Variants in TCF12 observed in about 807,000 individuals in gnomAD.
TCF12 encodes the protein transcription factor 12, also known as DNA-binding protein HTF4.
TCF12 carries 45 observed loss-of-function variants against 86.0 expected under a neutral mutation model. The ratio of observed to expected loss-of-function variants is 0.52; its 90% CI spans 0.41 to 0.67. The LOEUF (loss-of-function observed/expected upper bound fraction) is 0.67, where lower values mean the gene tolerates loss of function less well. Among genes scored for constraint, TCF12 ranks in the 30% least tolerant of loss-of-function variants. The pLI is 0.00. For missense variants in TCF12, 881 were observed against 859.9 expected, an observed-to-expected ratio of 1.02 and a Z score of -0.31; for synonymous variants, 330 against 299.6, an observed-to-expected ratio of 1.10 and a Z score of -1.05.
At position 56,925,796 on chromosome 15, in the gene TCF12, G is replaced by A. The variant is rs111548617; in HGVS notation, c.148+4698G>A. ...TCACTTGAAAGTATGTTTATGGATG[G>A]GAATGTTGAAATTGCAAATCTAAAT... is the stretch of plus-strand genomic sequence containing the variant. On this transcript the variant is annotated intron_variant, in intron 3 of 20. Coordinates refer to ENST00000333725, the MANE Select transcript of TCF12 (RefSeq NM_207037.2). Among the ~76,000 whole-genome samples the A allele has an allele frequency of 6.1e-4, 92 of 151,996 alleles. 1 individual carries two copies. The highest frequency in any genetic ancestry group is 6.8e-3 in the Middle Eastern group (2 of 294).
rs529008944 is a variant in TCF12, at chr15:57,058,716, C to A, written c.149-5034C>A. ...TTTTAACTTCTATTAAATTCCCTTG[C>A]AATTTTAATATTTTCCTAGCTTTTC... On this transcript the variant is annotated intron_variant, in intron 3 of 20. Coordinates refer to ENST00000333725, the MANE Select transcript of TCF12 (RefSeq NM_207037.2). Among the ~76,000 whole-genome samples the A allele has an allele frequency of 7.2e-5, 11 of 152,248 alleles. No homozygotes were observed. In the South Asian group the frequency reaches 1.7e-3, roughly 23 times the overall value.
At chr15:57,233,946 A>G (rs193237050) in intron 11 of TCF12, 97 bp from the exon 12 acceptor site, 19 of 911,560 alleles carry the variant, frequency 2.1e-5, no homozygotes, top group Non-Finnish European at 3.2e-5. Flanking sequence ...AACAGATGTG[A>G]GATGATGATA....
rs1176214400 is a variant in TCF12 at position 57,288,268 on chromosome 15, C to A, written c.*2123C>A. ...AAGACCATAGTAGGATTCTAGCATA[C>A]CGTGTAGTACCTATGGAGTATTGTA... is the stretch of plus-strand genomic sequence containing the variant. On this transcript the variant is annotated 3_prime_UTR_variant, in exon 21 of 21. Transcript: ENST00000333725. The A allele has an allele frequency of 6.6e-6, 1 of 152,484 alleles. No homozygotes were observed. Among genetic ancestry groups the A allele is most frequent in the African/African-American group, 2.4e-5 (1 of 41,404 alleles). The allele number at this position is 152,484 out of a possible 1,614,324, so 9.4% of individuals were successfully genotyped here. A position where few individuals can be genotyped will look rare whatever the true frequency, so the allele number is the denominator to read the frequency against.
At chr15:56,953,630 GT>G (rs1394195809) in intron 3 of TCF12, among the ~76,000 whole-genome samples, 1 of 151,870 alleles carries the variant, frequency 6.6e-6, no homozygotes, top group Non-Finnish European at 1.5e-5. Context: ...TAGATAATCT[GT>G]TTCTTCTTGA....
chr15:57,011,794 C>G (rs8029445), intron 3 of TCF12, among the ~76,000 whole-genome samples: 27,764 of 152,128 alleles, frequency 0.18, 3,016 homozygotes, highest in Non-Finnish European at 0.24. Context: ...ATTTTCAGTT[C>G]AGGTGATTAC....
chr15:57,071,871 A>G (rs1456922539), intron 4 of TCF12, among the ~76,000 whole-genome samples: 1 of 152,198 alleles, frequency 6.6e-6, no homozygotes, highest in Non-Finnish European at 1.5e-5. Context: ...GTCTGGAAAT[A>G]TGGAATGATG....
intron 6 of TCF12, among the ~76,000 whole-genome samples, chr15:57,171,264 G>T (rs1027849595): frequency 1.3e-5 from 2 of 151,388 alleles, no homozygotes; most frequent in Non-Finnish European, 2.9e-5. Flanking sequence ...GGAGCAGTTC[G>T]TGAGCCCCAG....
intron 3 of TCF12, among the ~76,000 whole-genome samples, chr15:56,976,408 T>A (rs1037020176): frequency 3.4e-4 from 51 of 151,138 alleles, no homozygotes; most frequent in South Asian, 8.4e-4. Flanking sequence ...TTTTTTTTTT[T>A]AAATATTTTT....
chr15:57,151,893 A>G (rs1451383590), intron 5 of TCF12, among the ~76,000 whole-genome samples: 3 of 152,242 alleles, frequency 2.0e-5, no homozygotes, highest in East Asian at 3.8e-4. Context: ...TACCTCCGTC[A>G]CAAGCCTAAG....
chr15:57,058,410 A>G (rs1365964095), intron 3 of TCF12, among the ~76,000 whole-genome samples: 2 of 152,216 alleles, frequency 1.3e-5, no homozygotes, highest in Non-Finnish European at 2.9e-5. Flanking sequence ...GAAATTTGCC[A>G]TGTGTTCATT....
intron 12 of TCF12, 39 bp downstream of exon 12, chr15:57,234,146 A>G: frequency 6.8e-7 from 1 of 1,470,756 alleles, no homozygotes; most frequent in Admixed American, 1.7e-5. Flanking sequence ...AATGAATTTT[A>G]CACTACTGAA....
Position 57,054,773 on chromosome 15 carries a change from C to CTTTTT in TCF12, c.149-8952_149-8948dup, listed in dbSNP as rs35859330. Among the ~76,000 whole-genome samples the CTTTTT allele has an allele frequency of 3.1e-3, 74 of 24,200 alleles. 12 individuals are homozygous for CTTTTT. Among genetic ancestry groups the CTTTTT allele is most frequent in the African/African-American group, 6.4e-3 (44 of 6,850 alleles). 15.9% of individuals were successfully genotyped at this position (24,200 alleles called of 152,430 possible). A position where few individuals can be genotyped will look rare whatever the true frequency, so the allele number is the denominator to read the frequency against. Reference sequence around the variant, plus strand: ...AGCTGGCTTTTTTGCAATGCCTCTGCTTTTTTTTTTTTTTTTTTTTTTTTT... The same window carrying CTTTTT: ...AGCTGGCTTTTTTGCAATGCCTCTGCTTTTTTTTTTTTTTTTTTTTTTTTTTTTTT... On this transcript the variant is annotated intron_variant, in intron 3 of 20. Coordinates refer to ENST00000333725, the MANE Select transcript of TCF12 (RefSeq NM_207037.2).
intron 4 of TCF12, among the ~76,000 whole-genome samples, chr15:57,083,880 T>C (rs920349579): frequency 2.0e-5 from 3 of 152,196 alleles, no homozygotes; most frequent in African/African-American, 7.2e-5. Context: ...TGCACCCAGC[T>C]CTATAAATTT....
chr15:57,252,295 T>A (rs16977350), intron 14 of TCF12, 126 bp from the exon 15 acceptor site: 6 of 644,208 alleles, frequency 9.3e-6, no homozygotes, highest in East Asian at 2.8e-5. Flanking sequence ...ATAAAATAGA[T>A]CTCGCAAGTC....
In TCF12 at chr15:57,032,619, A is replaced by T. The variant is rs577579816; in HGVS notation, c.149-31131A>T. Among the ~76,000 whole-genome samples, 13 of 152,114 alleles carry T rather than the reference A, an allele frequency of 8.5e-5. No individual in the cohort carries two copies. The South Asian group carries it at 2.5e-3, about 29-fold the overall frequency. On this transcript the variant is annotated intron_variant, in intron 3 of 20. Coordinates refer to ENST00000333725, the MANE Select transcript of TCF12 (RefSeq NM_207037.2). Reference sequence around the variant, plus strand: ...GCCACCATGCCTGGCTAATTTTAAAATTTTTTGTAGAGAGGAGGTCTCACT... The same window carrying T: ...GCCACCATGCCTGGCTAATTTTAAATTTTTTTGTAGAGAGGAGGTCTCACT...
chr15:56,940,413 A>G (rs2060679229), intron 3 of TCF12, among the ~76,000 whole-genome samples: 1 of 151,998 alleles, frequency 6.6e-6, no homozygotes, highest in African/African-American at 2.4e-5. Context: ...GTTAGACTGC[A>G]CATCTAGACA....
intron 3 of TCF12, among the ~76,000 whole-genome samples, chr15:56,958,031 T>A (rs1295700017): frequency 2.0e-5 from 3 of 152,230 alleles, no homozygotes; most frequent in African/African-American, 7.2e-5. Flanking sequence ...ACTGGCCTTG[T>A]GTGAATGCTT....
intron 3 of TCF12, among the ~76,000 whole-genome samples, chr15:57,044,601 A>G (rs1426085444): frequency 6.6e-6 from 1 of 150,820 alleles, no homozygotes; most frequent in Non-Finnish European, 1.5e-5. Flanking sequence ...AACTATTGTA[A>G]TTTTTTTTTC....
At chr15:56,989,559 T>TC (rs756229632) in intron 3 of TCF12, among the ~76,000 whole-genome samples, 1 of 152,130 alleles carries the variant, frequency 6.6e-6, no homozygotes, top group Non-Finnish European at 1.5e-5. Flanking sequence ...TGTGTGTGTG[T>TC]CTGTCTTTCT....
Sources: allele counts gnomAD v4.1 joint callset (sites outside exome capture counted in the v4.1 genomes callset), GRCh38; gene constraint gnomAD v4.1.1; transcripts MANE v1.5; gene names NCBI Gene and HGNC (gene_info 2026-07-23, HGNC 2026-07-21).